The following GAS7 variants were observed in gnomAD, a reference collection of about 807,000 sequenced individuals.
GAS7 encodes growth arrest specific 7.
GAS7 carries 28 observed loss-of-function variants against 71.1 expected under a neutral mutation model. The observed-to-expected ratio is 0.39, with a 90% CI of 0.29 to 0.54. The LOEUF (loss-of-function observed/expected upper bound fraction) is 0.54, where lower values mean the gene tolerates loss of function less well. GAS7 is among the 20% of genes least tolerant of loss of function. The pLI is 0.62. For synonymous variants in GAS7, 258 were observed against 245.8 expected, an observed-to-expected ratio of 1.05 and a Z score of -0.46; for missense variants, 436 against 627.8, an observed-to-expected ratio of 0.69 and a Z score of 3.27.
At chr17:9,990,412 C>T (rs1276363165) in intron 2 of GAS7, among the ~76,000 whole-genome samples, 1 of 152,214 alleles carries the variant, frequency 6.6e-6, no homozygotes, top group Non-Finnish European at 1.5e-5. Context: ...GGTACAATGT[C>T]TGTTACAACC....
At position 10,069,679 on chromosome 17, in the gene GAS7, C is replaced by T. The variant is rs9303249; in HGVS notation, c.184-49782G>A. Among the ~76,000 whole-genome samples the T allele has an allele frequency of 8.8e-3, 1,341 of 152,268 alleles. 26 individuals are homozygous for T. The highest frequency in any genetic ancestry group is 0.03 in the African/African-American group (1,266 of 41,552). Reference sequence around the variant, plus strand: ...TGAACCTCCCACACCCAGTATCTCCCGGGAGCCTATCTTTCACTGATCACC... The same window carrying T: ...TGAACCTCCCACACCCAGTATCTCCTGGGAGCCTATCTTTCACTGATCACC... On this transcript the variant is annotated intron_variant, in intron 1 of 13. Transcript: ENST00000432992.
At chr17:9,963,193 C>G (rs1437453409) in intron 4 of GAS7, among the ~76,000 whole-genome samples, 1 of 151,992 alleles carries the variant, frequency 6.6e-6, no homozygotes, top group African/African-American at 2.4e-5. Flanking sequence ...GTGAATGAAC[C>G]TTGGAATTCC....
chr17:10,056,301 C>A (rs1295465506), intron 1 of GAS7, among the ~76,000 whole-genome samples: 1 of 151,856 alleles, frequency 6.6e-6, no homozygotes, highest in African/African-American at 2.4e-5. Flanking sequence ...TCGAAACCAG[C>A]CTGGGCAACA....
chr17:10,174,096 C>T (rs557295335), intron 1 of GAS7, among the ~76,000 whole-genome samples: 12 of 152,258 alleles, frequency 7.9e-5, no homozygotes, highest in African/African-American at 2.9e-4. Context: ...CTGTCATAGG[C>T]GTTTCAGGAC....
At chr17:10,182,572 G>C (rs553406501) in intron 1 of GAS7, among the ~76,000 whole-genome samples, 147 of 152,300 alleles carry the variant, frequency 9.7e-4, no homozygotes, top group Admixed American at 2.3e-3. Context: ...CCCAATTTTG[G>C]GGTTCACCCT....
intron 1 of GAS7, among the ~76,000 whole-genome samples, chr17:10,197,003 A>C (rs1182216645): frequency 1.3e-5 from 2 of 152,154 alleles, no homozygotes; most frequent in East Asian, 3.8e-4. Flanking sequence ...AGCAGCCCCT[A>C]AACTTTGCTC....
intron 1 of GAS7, among the ~76,000 whole-genome samples, chr17:10,112,037 T>C (rs2073818450): frequency 6.6e-6 from 1 of 152,228 alleles, no homozygotes; most frequent in African/African-American, 2.4e-5. Flanking sequence ...CACATGTTAG[T>C]GGCTACCGTA....
At chr17:10,166,780 T>C (rs2074297164) in intron 1 of GAS7, among the ~76,000 whole-genome samples, 1 of 152,228 alleles carries the variant, frequency 6.6e-6, no homozygotes, top group South Asian at 2.1e-4. Context: ...ACTCTTGTGT[T>C]TGCAAAATAA....
chr17:9,916,474 C>A lies in GAS7; in HGVS notation c.*754G>T, dbSNP rs1187341890. Reference sequence around the variant, plus strand: ...CTGGCAGGGTGGGGGCAGGGGCCTCCCCGAGGAAGCAGCTGGGGGAAGGAT... The same window carrying A: ...CTGGCAGGGTGGGGGCAGGGGCCTCACCGAGGAAGCAGCTGGGGGAAGGAT... On this transcript the variant is annotated 3_prime_UTR_variant, in exon 14 of 14. Transcript: ENST00000432992. The A allele has an allele frequency of 4.3e-6, 1 of 234,272 alleles. No individual in the cohort carries two copies. Among genetic ancestry groups the A allele is most frequent in the Non-Finnish European group, 8.4e-6 (1 of 118,476 alleles). 14.5% of individuals were successfully genotyped at this position (234,272 alleles called of 1,614,324 possible).
At chr17:10,062,927 C>T (rs781151162) in intron 1 of GAS7, among the ~76,000 whole-genome samples, 18 of 152,364 alleles carry the variant, frequency 1.2e-4, no homozygotes, top group South Asian at 8.3e-4. Context: ...TGAGTGAGGC[C>T]TGCAGTACTT....
At chr17:10,092,914 C>G (rs2073599283) in intron 1 of GAS7, among the ~76,000 whole-genome samples, 1 of 152,146 alleles carries the variant, frequency 6.6e-6, no homozygotes, top group African/African-American at 2.4e-5. Context: ...GCATTTAGGA[C>G]CCACCCAGAT....
chr17:10,078,819 C>G (rs1294264179), intron 1 of GAS7, among the ~76,000 whole-genome samples: 1 of 152,100 alleles, frequency 6.6e-6, no homozygotes. Flanking sequence ...GAGGCCAAGG[C>G]GGGAGGACTG....
intron 1 of GAS7, among the ~76,000 whole-genome samples, chr17:10,166,176 A>T (rs2074292675): frequency 6.6e-6 from 1 of 151,544 alleles, no homozygotes; most frequent in Admixed American, 6.6e-5. Context: ...GGCACACATC[A>T]CCATGCCCAG....
chr17:10,016,620 A>AAAAAAAAAAAAAAAAAAC (rs1567542577), intron 2 of GAS7, among the ~76,000 whole-genome samples: 1 of 131,666 alleles, frequency 7.6e-6, no homozygotes. Flanking sequence ...AAAAAAAAAA[A>AAAAAAAAAAAAAAAAAAC]AAAACAAAAC....
chr17:10,061,906 G>A (rs1202879075), intron 1 of GAS7, among the ~76,000 whole-genome samples: 1 of 152,146 alleles, frequency 6.6e-6, no homozygotes, highest in East Asian at 1.9e-4. Context: ...TTCCCCAGGG[G>A]CCAATGGGGC....
At position 10,077,867 on chromosome 17, in the gene GAS7, GA is replaced by G. The variant is rs2073412091; in HGVS notation, c.184-57971del. 3.3e-5 allele frequency among the ~76,000 whole-genome samples: 5 copies of G among 152,204 alleles called. No homozygotes were observed. In the South Asian group the frequency reaches 1.0e-3, roughly 32 times the overall value. On this transcript the variant is annotated intron_variant, in intron 1 of 13. Transcript: ENST00000432992. ...AGATCTAAGAAATGACCAAAAAGCAGACAAGAAAGAAAGAAATAGGATGATG... is the reference window on the plus strand; with the variant it reads ...AGATCTAAGAAATGACCAAAAAGCAGCAAGAAAGAAAGAAATAGGATGATG...
intron 1 of GAS7, among the ~76,000 whole-genome samples, chr17:10,119,270 T>G (rs2073886914): frequency 6.6e-6 from 1 of 152,024 alleles, no homozygotes; most frequent in South Asian, 2.1e-4. Flanking sequence ...TTTTAGAGAG[T>G]TCAAGATGTT....
intron 1 of GAS7, among the ~76,000 whole-genome samples, chr17:10,166,553 A>G (rs1332314102): frequency 6.6e-6 from 1 of 152,246 alleles, no homozygotes; most frequent in Non-Finnish European, 1.5e-5. Context: ...AAATCCAAAC[A>G]AGAAACTAAA....
intron 6 of GAS7, among the ~76,000 whole-genome samples, chr17:9,945,985 CA>C (rs984925589): frequency 1.3e-5 from 2 of 151,972 alleles, no homozygotes; most frequent in Non-Finnish European, 2.9e-5. Context: ...GACTCTGTCT[CA>C]AAAAATCCAT....
Sources: gnomAD v4.1 joint callset for allele counts (sites outside exome capture counted in the v4.1 genomes callset) on GRCh38, gnomAD v4.1.1 for gene constraint, MANE v1.5 for transcripts, NCBI Gene and HGNC (gene_info 2026-07-23, HGNC 2026-07-21) for gene names.